The following CLEC12A variants were observed in gnomAD, a reference collection of about 807,000 sequenced individuals.
The protein encoded by CLEC12A is C-type lectin domain family 12 member A.
CLEC12A carries 22 observed loss-of-function variants against 26.5 expected under a neutral mutation model. The ratio of observed to expected loss-of-function variants is 0.83; its 90% CI spans 0.59 to 1.19. The LOEUF (loss-of-function observed/expected upper bound fraction) is 1.19, where lower values mean the gene tolerates loss of function less well. CLEC12A is among the 50% of genes most tolerant of loss of function. CLEC12A has a pLI of 0.00. For synonymous variants in CLEC12A, 119 were observed against 101.9 expected (o/e 1.17, Z -1.01); for missense variants, 353 against 315.6 (o/e 1.12, Z -0.90).
intron 3 of CLEC12A, 72 bp from the exon 4 acceptor site, chr12:9,980,510 G>A: frequency 1.4e-6 from 2 of 1,384,986 alleles, no homozygotes; most frequent in Non-Finnish European, 2.0e-6. Context: ...ATGTCACACA[G>A]AGAGGAAAGG....
intron 4 of CLEC12A, among the ~76,000 whole-genome samples, chr12:9,981,287 T>C (rs1294707526): frequency 6.6e-6 from 1 of 152,244 alleles, no homozygotes; most frequent in East Asian, 1.9e-4. Context: ...GGTAGCTTTA[T>C]TGATTTATTC....
chr12:9,985,063 G>T lies in CLEC12A; in HGVS notation c.*37G>T. On this transcript the variant is annotated 3_prime_UTR_variant, in exon 6 of 6. Transcript: ENST00000304361. Reference sequence around the variant, plus strand: ...AATACATTTAAGGAGTGTAGGGGGTGGGGGTTCTAGGCTATAGGTAAATTT... The same window carrying T: ...AATACATTTAAGGAGTGTAGGGGGTTGGGGTTCTAGGCTATAGGTAAATTT... 1 of 1,393,608 alleles carries T rather than the reference G, an allele frequency of 7.2e-7. No individual in the cohort carries two copies. The allele number at this position is 1,393,608 out of a possible 1,614,324, so 86.3% of individuals were successfully genotyped here.
chr12:9,983,276 T>G (rs895500823), intron 5 of CLEC12A, among the ~76,000 whole-genome samples: 1 of 152,114 alleles, frequency 6.6e-6, no homozygotes, highest in East Asian at 1.9e-4. Context: ...CATTTTTGAA[T>G]GAAAAATTTA....
intron 1 of CLEC12A, among the ~76,000 whole-genome samples, chr12:9,961,012 G>T (rs962167850): frequency 6.6e-6 from 1 of 152,220 alleles, no homozygotes; most frequent in East Asian, 1.9e-4. Flanking sequence ...CTGCGAACAT[G>T]CACCCAAGGT....
chr12:9,975,082 C>A (rs1864283598), intron 1 of CLEC12A, among the ~76,000 whole-genome samples: 2 of 152,316 alleles, frequency 1.3e-5, no homozygotes, highest in South Asian at 4.1e-4. Flanking sequence ...CCTCTCCAGC[C>A]ACATGGAACC....
intron 4 of CLEC12A, chr12:9,990,923 A>T (rs757643640): frequency 6.6e-5 from 10 of 152,214 alleles, no homozygotes; most frequent in Admixed American, 1.3e-4. Flanking sequence ...AAAGATTTTC[A>T]CTCACTAAAG....
chr12:9,953,273 C>T (rs1334550070), intron 1 of CLEC12A: 7 of 83,938 alleles, frequency 8.3e-5, no homozygotes, highest in African/African-American at 3.5e-4. Flanking sequence ...TGAGGAGCCC[C>T]TCAGCCCGGC....
chr12:9,995,324 GA>G, exon 5 of CLEC12A: 1 of 1,207,920 alleles, frequency 8.3e-7, no homozygotes, highest in East Asian at 2.4e-5. Flanking sequence ...TTCATGATAA[GA>G]CGTTGGACAA....
At chr12:10,001,884 T>C in the CLEC12A span, among the ~76,000 whole-genome samples, 4 of 150,268 alleles carry the variant, frequency 2.7e-5, no homozygotes, top group South Asian at 8.4e-4. Context: ...ACAAAATCTT[T>C]TTTTTTTTTT....
chr12:9,969,882 G>A (rs753623462), upstream of CLEC12A, among the ~76,000 whole-genome samples: 1 of 152,192 alleles, frequency 6.6e-6, no homozygotes, highest in Non-Finnish European at 1.5e-5. Flanking sequence ...CACCAACTGT[G>A]TGATGTTGGA....
At chr12:9,998,938 A>T (rs1392510720), downstream of CLEC12A, 1 of 707,026 alleles carries the variant, frequency 1.4e-6, no homozygotes, top group Non-Finnish European at 2.3e-6. Flanking sequence ...CAAGAAAAAG[A>T]AATTAAACTA....
chr12:9,982,821 C>A (rs1336829664), intron 5 of CLEC12A, among the ~76,000 whole-genome samples: 1 of 152,014 alleles, frequency 6.6e-6, no homozygotes, highest in African/African-American at 2.4e-5. Context: ...TCTCCAATGT[C>A]TATTATTCCA....
downstream of CLEC12A, among the ~76,000 whole-genome samples, chr12:9,987,245 T>C (rs1864787043): frequency 6.6e-6 from 1 of 152,232 alleles, no homozygotes; most frequent in Non-Finnish European, 1.5e-5. Flanking sequence ...TTTCTCCTAA[T>C]ATCCCCAGGT....
rs588272 is a variant in CLEC12A at position 9,985,046 on chromosome 12, T to G, written c.*20T>G. On this transcript the variant is annotated 3_prime_UTR_variant, in exon 6 of 6. Coordinates refer to ENST00000304361, the MANE Select transcript of CLEC12A (RefSeq NM_138337.6). ...GCATGAGGCATCAATCAAATACATT[T>G]AAGGAGTGTAGGGGGTGGGGGTTCT... The G allele has an allele frequency of 0.65, 961,620 of 1,472,652 alleles. 317,243 individuals are homozygous for G. Among genetic ancestry groups the G allele is most frequent in the East Asian group, 0.89 (33,823 of 38,204 alleles). 91.2% of individuals were successfully genotyped at this position (1,472,652 alleles called of 1,614,324 possible).
At chr12:9,996,485 A>G (rs1865050499), downstream of CLEC12A, among the ~76,000 whole-genome samples, 3 of 152,138 alleles carry the variant, frequency 2.0e-5, no homozygotes, top group Non-Finnish European at 2.9e-5. Flanking sequence ...GTAACTGGAT[A>G]TCTTCCGTAT....
downstream of CLEC12A, chr12:9,996,626 G>A (rs1414063233): frequency 4.6e-6 from 3 of 654,998 alleles, no homozygotes; most frequent in African/African-American, 3.6e-5. Flanking sequence ...TGTCAGGAAG[G>A]GACAAGTCAA....
At chr12:9,996,975 G>T (rs1195160106), downstream of CLEC12A, 1 of 1,614,052 alleles carries the variant, frequency 6.2e-7, no homozygotes, top group South Asian at 1.1e-5. Flanking sequence ...TCCAGTTTGT[G>T]TCACAGGGGC....
At chr12:9,985,785 T>G (rs1304832369), downstream of CLEC12A, 3 of 260,372 alleles carry the variant, frequency 1.2e-5, no homozygotes, top group Non-Finnish European at 2.1e-5. Context: ...TACAAGGTAT[T>G]TTTTATCCTG....
intron 1 of CLEC12A, among the ~76,000 whole-genome samples, chr12:9,960,204 T>C (rs551910334): frequency 2.4e-4 from 37 of 152,352 alleles, no homozygotes; most frequent in African/African-American, 7.9e-4. Flanking sequence ...CATGCTCTTG[T>C]GAACCTATAC....
Sources: gnomAD v4.1 joint callset for allele counts (sites outside exome capture counted in the v4.1 genomes callset) on GRCh38, gnomAD v4.1.1 for gene constraint, MANE v1.5 for transcripts, NCBI Gene and HGNC (gene_info 2026-07-23, HGNC 2026-07-21) for gene names.